Variants in TUSC3 observed in about 807,000 individuals in gnomAD.
The protein encoded by TUSC3 is tumor suppressor candidate 3.
TUSC3 carries 45 observed loss-of-function variants against 44.8 expected under a neutral mutation model. The observed-to-expected ratio is 1.00, with a 90% CI of 0.79 to 1.29. The LOEUF (loss-of-function observed/expected upper bound fraction) is 1.29. Among genes scored for constraint, TUSC3 ranks in the 50% most tolerant of loss-of-function variants. The probability of loss-of-function intolerance (pLI) is 0.00; values close to 1 mark genes in which losing one functional copy is unlikely to be tolerated. For missense variants in TUSC3, 519 were observed against 437.9 expected (o/e 1.19, Z -1.65); for synonymous variants, 212 against 152.9 (o/e 1.39, Z -2.85).
At chr8:15,786,816 C>T in the TUSC3 span, among the ~76,000 whole-genome samples, 32 of 151,252 alleles carry the variant, frequency 2.1e-4, no homozygotes, top group Middle Eastern at 3.4e-3. Flanking sequence ...TGGTGGTGGG[C>T]GCCTGTAATC....
At chr8:15,680,982 C>G (rs187365582) in intron 6 of TUSC3, among the ~76,000 whole-genome samples, 1 of 152,060 alleles carries the variant, frequency 6.6e-6, no homozygotes, top group Admixed American at 6.6e-5. Flanking sequence ...ATTCAATTTG[C>G]TATAATAATA....
rs116750762 is a variant in TUSC3, at chr8:15,554,421, A to G, written c.138+13853A>G. Among the ~76,000 whole-genome samples, 1,210 of 151,604 alleles carry G rather than the reference A, an allele frequency of 8.0e-3. 20 individuals are homozygous for G. The highest frequency in any genetic ancestry group is 0.027 in the African/African-American group (1,134 of 41,480). On this transcript the variant is annotated intron_variant, in intron 1 of 10. Coordinates refer to ENST00000503731, the MANE Select transcript of TUSC3 (RefSeq NM_006765.4). ...TGACTGGGAATGTTTGAGATGGTAG[A>G]TGCTTTATCAGCCAGGGTCTCTGAA...
chr8:15,816,288 T>G, the TUSC3 span, among the ~76,000 whole-genome samples: 1 of 152,162 alleles, frequency 6.6e-6, no homozygotes, highest in African/African-American at 2.4e-5. Context: ...AGGCTCATTC[T>G]TTGAGTTGGG....
At chr8:15,695,853 A>G (rs1241033869) in intron 6 of TUSC3, among the ~76,000 whole-genome samples, 2 of 152,206 alleles carry the variant, frequency 1.3e-5, no homozygotes, top group African/African-American at 2.4e-5. Flanking sequence ...TTTGAACTCA[A>G]GAGAGATGAT....
chr8:15,561,928 C>G (rs78912711), intron 1 of TUSC3, among the ~76,000 whole-genome samples: 1 of 152,150 alleles, frequency 6.6e-6, no homozygotes, highest in African/African-American at 2.4e-5. Flanking sequence ...GAGATGAACC[C>G]GGTACCTCAG....
intron 2 of TUSC3, among the ~76,000 whole-genome samples, chr8:15,531,479 T>G (rs1049858632): frequency 5.3e-5 from 8 of 152,210 alleles, no homozygotes; most frequent in Admixed American, 1.3e-4. Flanking sequence ...CTCGAACTCC[T>G]GACCTCAGGT....
chr8:15,821,920 C>G, the TUSC3 span, among the ~76,000 whole-genome samples: 1 of 152,144 alleles, frequency 6.6e-6, no homozygotes, highest in East Asian at 1.9e-4. Flanking sequence ...TGAAATTAGA[C>G]TATAGACAGG....
At chr8:15,807,341 A>C in the TUSC3 span, 1 of 400,008 alleles carries the variant, frequency 2.5e-6, no homozygotes, top group Non-Finnish European at 4.6e-6. Context: ...AAACCAAAAC[A>C]AGTCAACAAC....
chr8:15,618,940 A>G (rs1468680415), intron 1 of TUSC3, among the ~76,000 whole-genome samples: 1 of 152,162 alleles, frequency 6.6e-6, no homozygotes, highest in Non-Finnish European at 1.5e-5. Flanking sequence ...TCTGTTGTTA[A>G]GTGATTAACA....
chr8:15,527,253 G>A (rs984104991), intron 2 of TUSC3, among the ~76,000 whole-genome samples: 1 of 152,106 alleles, frequency 6.6e-6, no homozygotes, highest in Non-Finnish European at 1.5e-5. Context: ...GTCTCACTCT[G>A]TCACCCAGGC....
intron 7 of TUSC3, among the ~76,000 whole-genome samples, chr8:15,741,232 T>G (rs915562208): frequency 2.6e-5 from 4 of 152,196 alleles, no homozygotes; most frequent in Non-Finnish European, 5.9e-5. Flanking sequence ...CCATTAAAAC[T>G]GTCATACATT....
At chr8:15,424,456 C>A (rs1175296301) in intron 1 of TUSC3, among the ~76,000 whole-genome samples, 1 of 152,072 alleles carries the variant, frequency 6.6e-6, no homozygotes, top group Non-Finnish European at 1.5e-5. Context: ...TAATAACTCA[C>A]AAAACTAATA....
chr8:15,546,592 A>G (rs1044741930), intron 1 of TUSC3, among the ~76,000 whole-genome samples: 13 of 151,508 alleles, frequency 8.6e-5, no homozygotes, highest in African/African-American at 3.1e-4. Flanking sequence ...CTGGAGTGCA[A>G]TGGCGCAAAC....
chr8:15,642,369 T>G lies in TUSC3; in HGVS notation c.309-8328T>G, dbSNP rs138911453. 4.8e-3 allele frequency among the ~76,000 whole-genome samples: 736 copies of G among 152,214 alleles called. 11 individuals are homozygous for G. The highest frequency in any genetic ancestry group is 0.017 in the African/African-American group (706 of 41,530). The stretch of plus-strand genomic sequence containing the variant: ...TAAAAATAGTCTATTAAAAATAAGT[T>G]TGATGAGAAAAGTTAAAAAAATGAA... On this transcript the variant is annotated intron_variant, in intron 2 of 10. Transcript: ENST00000503731.
At chr8:15,758,427 T>C (rs1812025228) in intron 10 of TUSC3, 1 of 306,620 alleles carries the variant, frequency 3.3e-6, no homozygotes, top group Non-Finnish European at 4.8e-6. Flanking sequence ...GTATGTAAAA[T>C]TGACAGTAAT....
intron 6 of TUSC3, among the ~76,000 whole-genome samples, chr8:15,730,421 GTTATA>G (rs1326807517): frequency 1.3e-5 from 2 of 152,030 alleles, no homozygotes; most frequent in South Asian, 2.1e-4. Context: ...CCTTTAACAA[GTTATA>G]TTAAGTTTGC....
At chr8:15,650,506 G>A (rs961238525) in intron 2 of TUSC3, among the ~76,000 whole-genome samples, 191 bp from the exon 3 acceptor site, 1 of 152,038 alleles carries the variant, frequency 6.6e-6, no homozygotes, top group African/African-American at 2.4e-5. Flanking sequence ...ATGAACATCA[G>A]AATTTGAATT....
intron 6 of TUSC3, among the ~76,000 whole-genome samples, chr8:15,677,018 T>A (rs528221457): frequency 2.6e-5 from 4 of 152,332 alleles, no homozygotes; most frequent in African/African-American, 7.2e-5. Context: ...TTTATTTTTT[T>A]AATTTTTTAA....
At chr8:15,464,412 G>C (rs1800388663) in intron 1 of TUSC3, among the ~76,000 whole-genome samples, 1 of 152,084 alleles carries the variant, frequency 6.6e-6, no homozygotes, top group Non-Finnish European at 1.5e-5. Context: ...AATATTTCTT[G>C]GATCCCTATT....
Sources: gnomAD v4.1 joint callset for allele counts (sites outside exome capture counted in the v4.1 genomes callset) on GRCh38, gnomAD v4.1.1 for gene constraint, MANE v1.5 for transcripts, NCBI Gene and HGNC (gene_info 2026-07-23, HGNC 2026-07-21) for gene names.